The following POU2AF2 variants were observed in gnomAD, a reference collection of about 807,000 sequenced individuals.
POU2AF2 encodes POU domain class 2-associating factor 2.
chr11:111,268,474 C>CTTTTTTTTTT, the POU2AF2 span, among the ~76,000 whole-genome samples: 12 of 70,832 alleles, frequency 1.7e-4, no homozygotes, highest in South Asian at 8.5e-4. Flanking sequence ...CTACATTTTT[C>CTTTTTTTTTT]TTTTTTTATT....
the POU2AF2 span, among the ~76,000 whole-genome samples, chr11:111,257,514 G>A: frequency 2.6e-5 from 4 of 152,032 alleles, no homozygotes; most frequent in Middle Eastern, 0.01. Context: ...GATTACAGGC[G>A]CCTGCCACCA....
chr11:111,276,447 AAAAAAAATATAT>A, the POU2AF2 span, among the ~76,000 whole-genome samples: 25 of 30,272 alleles, frequency 8.3e-4, no homozygotes, highest in Admixed American at 2.6e-3. Flanking sequence ...AAGAAAAAAA[AAAAAAAATATAT>A]ATATATATAT....
chr11:111,285,851 C>G, the POU2AF2 span: 1 of 1,609,950 alleles, frequency 6.2e-7, no homozygotes, highest in Non-Finnish European at 8.5e-7. Flanking sequence ...TCTGGAAGAT[C>G]TGCACCACAC....
chr11:111,255,543 G>T, the POU2AF2 span, among the ~76,000 whole-genome samples: 3 of 152,166 alleles, frequency 2.0e-5, no homozygotes, highest in Admixed American at 1.3e-4. Flanking sequence ...CTGCTGACCT[G>T]CTCACTCCCA....
the POU2AF2 span, among the ~76,000 whole-genome samples, chr11:111,263,411 C>G: frequency 6.7e-6 from 1 of 148,654 alleles, no homozygotes; most frequent in Non-Finnish European, 1.5e-5. Context: ...CTACAACACT[C>G]AGGTTTACTG....
the POU2AF2 span, chr11:111,286,346 G>C: frequency 6.9e-6 from 2 of 288,852 alleles, no homozygotes; most frequent in Non-Finnish European, 1.3e-5. Flanking sequence ...TATCTTTGAA[G>C]TATCATTTTT....
chr11:111,276,453 A>AAAAAAAAAAATAT, the POU2AF2 span, among the ~76,000 whole-genome samples: 8 of 37,664 alleles, frequency 2.1e-4, no homozygotes, highest in African/African-American at 6.7e-4. Context: ...AAAAAAAAAA[A>AAAAAAAAAAATAT]ATATATATAT....
At chr11:111,268,746 C>T in the POU2AF2 span, among the ~76,000 whole-genome samples, 2 of 151,642 alleles carry the variant, frequency 1.3e-5, no homozygotes, top group East Asian at 1.9e-4. Context: ...CGGGGTTTCA[C>T]GGTATTGGTC....
the POU2AF2 span, among the ~76,000 whole-genome samples, chr11:111,277,907 A>G: frequency 1.3e-5 from 2 of 152,246 alleles, no homozygotes; most frequent in South Asian, 2.1e-4. Flanking sequence ...GTAACACTGG[A>G]TAACATGGGC....
the POU2AF2 span, among the ~76,000 whole-genome samples, chr11:111,276,013 G>A: frequency 6.6e-6 from 1 of 152,022 alleles, no homozygotes; most frequent in Non-Finnish European, 1.5e-5. Flanking sequence ...GGGATTTTGA[G>A]GATAATAGTA....
At chr11:111,276,450 AAAAATATATATATATATATAT>A in the POU2AF2 span, among the ~76,000 whole-genome samples, 17 of 43,612 alleles carry the variant, frequency 3.9e-4, 1 homozygote, top group African/African-American at 9.4e-4. Context: ...AAAAAAAAAA[AAAAATATATATATATATATAT>A]ATATATATAT....
At chr11:111,285,939 G>A in the POU2AF2 span, 1 of 1,613,940 alleles carries the variant, frequency 6.2e-7, no homozygotes, top group Non-Finnish European at 8.5e-7. Flanking sequence ...CCCAAGGTGG[G>A]GCCACTCTCC....
chr11:111,277,652 G>A, the POU2AF2 span, among the ~76,000 whole-genome samples: 548 of 152,348 alleles, frequency 3.6e-3, no homozygotes, highest in African/African-American at 0.013. Flanking sequence ...CATGTGTGCT[G>A]TGTCTCACAG....
At chr11:111,247,261 G>C in the POU2AF2 span, among the ~76,000 whole-genome samples, 1 of 150,396 alleles carries the variant, frequency 6.6e-6, no homozygotes, top group African/African-American at 2.4e-5. Flanking sequence ...GGCTGTTTAG[G>C]TTGTCTCTGT....
chr11:111,256,153 C>CTTT, the POU2AF2 span: 1 of 398,626 alleles, frequency 2.5e-6, no homozygotes, highest in South Asian at 1.3e-4. Context: ...TCCCTTTATC[C>CTTT]ACACACCAAT....
At chr11:111,246,462 C>A in the POU2AF2 span, among the ~76,000 whole-genome samples, 1 of 152,110 alleles carries the variant, frequency 6.6e-6, no homozygotes, top group Admixed American at 6.5e-5. Context: ...CCCACCTGTT[C>A]GCGAACAAAT....
the POU2AF2 span, among the ~76,000 whole-genome samples, chr11:111,278,191 T>A: frequency 6.6e-6 from 1 of 152,284 alleles, no homozygotes; most frequent in Non-Finnish European, 1.5e-5. Flanking sequence ...CAGACACTAT[T>A]CTAAGTGCTC....
the POU2AF2 span, among the ~76,000 whole-genome samples, chr11:111,268,207 G>A: frequency 6.6e-6 from 1 of 152,154 alleles, no homozygotes; most frequent in Non-Finnish European, 1.5e-5. Flanking sequence ...AATCTGTGAT[G>A]GGAAAAAGGG....
At chr11:111,276,453 A>AAATAT in the POU2AF2 span, among the ~76,000 whole-genome samples, 143 of 37,594 alleles carry the variant, frequency 3.8e-3, 1 homozygote, top group Admixed American at 7.1e-3. Flanking sequence ...AAAAAAAAAA[A>AAATAT]ATATATATAT....
Sources: allele counts gnomAD v4.1 joint callset (sites outside exome capture counted in the v4.1 genomes callset), GRCh38; gene constraint gnomAD v4.1.1; transcripts MANE v1.5; gene names NCBI Gene and HGNC (gene_info 2026-07-23, HGNC 2026-07-21).